Variants in JAZF1 observed in about 807,000 individuals in gnomAD.
JAZF1 encodes JAZF zinc finger 1.
JAZF1 carries 8 observed loss-of-function variants against 26.4 expected under a neutral mutation model. That is an observed-to-expected ratio of 0.30 (90% CI 0.18 to 0.55). The LOEUF is 0.55. Ranked by LOEUF, JAZF1 falls within the 20% of genes least tolerant of loss-of-function variation. The pLI is 0.94. For missense variants in JAZF1, 199 were observed against 322.0 expected, an observed-to-expected ratio of 0.62 and a Z score of 2.92; for synonymous variants, 126 against 122.3, an observed-to-expected ratio of 1.03 and a Z score of -0.20.
intron 2 of JAZF1, among the ~76,000 whole-genome samples, chr7:27,902,847 T>C (rs1784187864): frequency 6.6e-6 from 1 of 151,902 alleles, no homozygotes; most frequent in South Asian, 2.1e-4. Context: ...AAACCCCATC[T>C]CTACTAAAAA....
chr7:27,856,243 G>C (rs138927185), intron 3 of JAZF1, among the ~76,000 whole-genome samples: 2,658 of 152,222 alleles, frequency 0.017, 78 homozygotes, highest in African/African-American at 0.057. Context: ...AGACCTTCGC[G>C]GTGAGCGTTA....
intron 1 of JAZF1, among the ~76,000 whole-genome samples, chr7:28,109,128 G>T (rs74926476): frequency 0.04 from 6,104 of 152,176 alleles, 374 homozygotes; most frequent in African/African-American, 0.13. Context: ...ATAATTCTGG[G>T]GATGTAATTA....
At chr7:28,131,117 T>C (rs1782786180) in intron 1 of JAZF1, among the ~76,000 whole-genome samples, 1 of 152,194 alleles carries the variant, frequency 6.6e-6, no homozygotes, top group African/African-American at 2.4e-5. Context: ...CTGGAGCTTT[T>C]AACTTAATCA....
chr7:28,100,244 T>C (rs1784451861), intron 1 of JAZF1, among the ~76,000 whole-genome samples: 1 of 152,144 alleles, frequency 6.6e-6, no homozygotes, highest in Non-Finnish European at 1.5e-5. Flanking sequence ...TAAACCAGGA[T>C]TACTAAACCA....
chr7:28,104,480 G>C (rs970000282), intron 1 of JAZF1, among the ~76,000 whole-genome samples: 9 of 152,140 alleles, frequency 5.9e-5, no homozygotes, highest in African/African-American at 2.2e-4. Flanking sequence ...TTACATGTCT[G>C]AGTTACATAA....
At chr7:28,038,570 T>C (rs144815917) in intron 1 of JAZF1, among the ~76,000 whole-genome samples, 9 of 152,326 alleles carry the variant, frequency 5.9e-5, no homozygotes, top group Non-Finnish European at 1.2e-4. Flanking sequence ...ATATTGTTAT[T>C]TCTTGTGAAC....
intron 1 of JAZF1, among the ~76,000 whole-genome samples, chr7:28,141,872 T>C (rs1333920597): frequency 6.6e-6 from 1 of 152,214 alleles, no homozygotes; most frequent in East Asian, 1.9e-4. Flanking sequence ...TAATTTCTTT[T>C]ATTATAAAAA....
rs193302606 is a variant in JAZF1 at position 27,984,381 on chromosome 7, A to T, written c.188+7528T>A. 9.3e-4 allele frequency among the ~76,000 whole-genome samples: 142 copies of T among 152,354 alleles called. 1 individual carries two copies. The highest frequency in any genetic ancestry group is 3.2e-3 in the African/African-American group (134 of 41,590). On this transcript the variant is annotated intron_variant, in intron 2 of 4. Transcript: ENST00000283928. Reference sequence around the variant, plus strand: ...AAGGCCATTACATAATGGTAAAGGGATCAATTCAACAAGAAGAGCTAACTA... The same window carrying T: ...AAGGCCATTACATAATGGTAAAGGGTTCAATTCAACAAGAAGAGCTAACTA...
chr7:27,873,990 T>C (rs560563715), intron 3 of JAZF1, among the ~76,000 whole-genome samples: 22 of 152,356 alleles, frequency 1.4e-4, no homozygotes, highest in Middle Eastern at 3.4e-3. Context: ...TGGGTTCTAA[T>C]TGGAATGGCA....
At chr7:28,029,894 C>T (rs1270215872) in intron 1 of JAZF1, among the ~76,000 whole-genome samples, 1 of 152,214 alleles carries the variant, frequency 6.6e-6, no homozygotes. Flanking sequence ...AAGTGCTACA[C>T]ATTTCTTGAA....
intron 2 of JAZF1, among the ~76,000 whole-genome samples, chr7:27,901,942 T>A (rs757228594): frequency 6.6e-6 from 1 of 152,204 alleles, no homozygotes; most frequent in Non-Finnish European, 1.5e-5. Flanking sequence ...AAGAAACGTA[T>A]CTCACGGTGC....
chr7:28,087,903 T>A (rs763884793), intron 1 of JAZF1, among the ~76,000 whole-genome samples: 6 of 152,248 alleles, frequency 3.9e-5, no homozygotes, highest in Non-Finnish European at 7.3e-5. Context: ...GTATATTTTC[T>A]TTCTCCTCTC....
intron 2 of JAZF1, among the ~76,000 whole-genome samples, chr7:27,921,471 CA>C (rs1784528432): frequency 6.6e-6 from 1 of 151,916 alleles, no homozygotes; most frequent in Non-Finnish European, 1.5e-5. Context: ...AGGGGAAAAG[CA>C]TAATTGTCAA....
intron 2 of JAZF1, among the ~76,000 whole-genome samples, chr7:27,955,905 C>T (rs1241443864): frequency 1.3e-5 from 2 of 152,174 alleles, no homozygotes; most frequent in African/African-American, 4.8e-5. Flanking sequence ...TAAATCTGTA[C>T]CTACGACCTA....
At chr7:27,961,860 G>A (rs544333104) in intron 2 of JAZF1, among the ~76,000 whole-genome samples, 2 of 152,126 alleles carry the variant, frequency 1.3e-5, no homozygotes, top group Non-Finnish European at 2.9e-5. Context: ...GATGCTCTCC[G>A]GATCTTTCCA....
At position 28,119,248 on chromosome 7, in the gene JAZF1, T is replaced by C. The variant is rs928166033; in HGVS notation, c.115+61215A>G. ...AGGACGCTCCTGAATTTCAACCTTT[T>C]TTCGGCTTGCAAGTAAGTGCCTAAT... On this transcript the variant is annotated intron_variant, in intron 1 of 4. Transcript: ENST00000283928. 9.9e-5 allele frequency among the ~76,000 whole-genome samples: 15 copies of C among 152,180 alleles called. 1 individual carries two copies. Among genetic ancestry groups the C allele is most frequent in the Non-Finnish European group, 2.9e-5 (2 of 68,038 alleles).
intron 2 of JAZF1, among the ~76,000 whole-genome samples, chr7:27,899,730 T>C (rs1010895822): frequency 3.3e-5 from 5 of 152,104 alleles, no homozygotes; most frequent in Non-Finnish European, 7.4e-5. Context: ...CTGACTCACT[T>C]GGGTTTTAGA....
At chr7:27,913,149 A>G (rs1784387274) in intron 2 of JAZF1, among the ~76,000 whole-genome samples, 1 of 151,992 alleles carries the variant, frequency 6.6e-6, no homozygotes, top group Admixed American at 6.6e-5. Context: ...CTGCCTCCTC[A>G]TTAGGCCTTA....
intron 1 of JAZF1, among the ~76,000 whole-genome samples, chr7:28,102,041 A>G (rs1255445135): frequency 1.3e-5 from 2 of 152,156 alleles, no homozygotes; most frequent in Admixed American, 6.5e-5. Context: ...AGAACTGGGG[A>G]GTGGTACCAC....
Sources: allele counts gnomAD v4.1 joint callset (sites outside exome capture counted in the v4.1 genomes callset), GRCh38; gene constraint gnomAD v4.1.1; transcripts MANE v1.5; gene names NCBI Gene and HGNC (gene_info 2026-07-23, HGNC 2026-07-21).